TAFA2: variants seen among roughly 807,000 people sequenced by gnomAD.
TAFA2 encodes TAFA chemokine like family member 2, also known as chemokine-like protein TAFA-2.
A neutral mutation model predicts 18.8 loss-of-function variants in TAFA2; 7 were observed. The observed-to-expected ratio is 0.37, with a 90% CI of 0.21 to 0.70. The LOEUF (loss-of-function observed/expected upper bound fraction) is 0.70, where lower values mean the gene tolerates loss of function less well. TAFA2 is among the 30% of genes least tolerant of loss of function. The pLI, the probability that TAFA2 is intolerant of heterozygous loss-of-function variation, is 0.53. For synonymous variants in TAFA2, 60 were observed against 54.2 expected, an observed-to-expected ratio of 1.11 and a Z score of -0.47; for missense variants, 122 against 158.1, an observed-to-expected ratio of 0.77 and a Z score of 1.23.
At chr12:61,875,221 CTT>C (rs1321432694) in intron 1 of TAFA2, among the ~76,000 whole-genome samples, 1 of 152,052 alleles carries the variant, frequency 6.6e-6, no homozygotes, top group Admixed American at 6.6e-5. Flanking sequence ...GCATTTTACT[CTT>C]TTCTCAGTGA....
At position 62,030,788 on chromosome 12, in the gene TAFA2, T is replaced by C. The variant is rs536283791; in HGVS notation, c.-2+160471A>G. On this transcript the variant is annotated intron_variant, in intron 1 of 4. Transcript: ENST00000416284. ...GGGAAACAGAGGTTTGTTGTTGTTG[T>C]TGTTACTGACTTGAGGTTAAGGACA... Among the ~76,000 whole-genome samples the C allele has an allele frequency of 3.9e-5, 6 of 152,280 alleles. No individual in the cohort carries two copies. In the South Asian group the frequency reaches 1.2e-3, roughly 32 times the overall value.
intron 1 of TAFA2, among the ~76,000 whole-genome samples, chr12:62,043,263 C>A (rs1476631176): frequency 6.6e-6 from 1 of 152,128 alleles, no homozygotes; most frequent in Non-Finnish European, 1.5e-5. Context: ...CACATATACA[C>A]CATGGAATAC....
At chr12:61,747,415 C>T (rs1263667945) in intron 4 of TAFA2, among the ~76,000 whole-genome samples, 6 of 146,578 alleles carry the variant, frequency 4.1e-5, no homozygotes, top group Admixed American at 6.8e-5. Flanking sequence ...CACATGCACA[C>T]GTATGTTTAT....
chr12:61,787,933 C>T lies in TAFA2; in HGVS notation c.107-32909G>A, dbSNP rs948869106. ...GGTCAAATGGATAAAAAACAAGACTCAACTGTGTGCTGCTTATAAAAGACT... is the reference window on the plus strand; with the variant it reads ...GGTCAAATGGATAAAAAACAAGACTTAACTGTGTGCTGCTTATAAAAGACT... On this transcript the variant is annotated intron_variant, in intron 2 of 4. Transcript: ENST00000416284. 6.3e-4 allele frequency among the ~76,000 whole-genome samples: 96 copies of T among 151,524 alleles called. 1 individual carries two copies. The highest frequency in any genetic ancestry group is 6.3e-3 in the Admixed American group (95 of 15,142).
chr12:61,768,167 C>CAGT (rs1442279036), intron 2 of TAFA2, among the ~76,000 whole-genome samples: 2 of 152,028 alleles, frequency 1.3e-5, no homozygotes, highest in African/African-American at 4.8e-5. Flanking sequence ...ACCTAGAAAG[C>CAGT]AGTAGAGGGA....
At chr12:61,758,891 G>C (rs1314031410) in intron 2 of TAFA2, among the ~76,000 whole-genome samples, 4 of 152,024 alleles carry the variant, frequency 2.6e-5, no homozygotes, top group Non-Finnish European at 2.9e-5. Flanking sequence ...GCCAGGGAAA[G>C]ATGATTAGGG....
intron 2 of TAFA2, among the ~76,000 whole-genome samples, chr12:61,757,804 G>T (rs551176710): frequency 6.6e-6 from 1 of 152,174 alleles, no homozygotes; most frequent in South Asian, 2.1e-4. Flanking sequence ...AAATGCTGTT[G>T]AAAGGTCCAA....
intron 1 of TAFA2, among the ~76,000 whole-genome samples, chr12:62,216,950 C>T (rs554761263): frequency 6.6e-6 from 1 of 152,132 alleles, no homozygotes; most frequent in South Asian, 2.1e-4. Context: ...TATAAGGGTT[C>T]AGGGAAATGC....
rs1877969346 is a variant in TAFA2 at position 61,940,761 on chromosome 12, A to G, written c.-1-73335T>C. Among the ~76,000 whole-genome samples, 5 of 152,164 alleles carry G rather than the reference A, an allele frequency of 3.3e-5. No homozygotes were observed. The South Asian group carries it at 1.0e-3, about 32-fold the overall frequency. ...TGAGGAAAGGTCTGAAGAGGTGAGC[A>G]AGTAAGTTGTGTAGAATGGAGGAAG... On this transcript the variant is annotated intron_variant, in intron 1 of 4. Transcript: ENST00000416284.
chr12:61,755,258 A>G (rs537897902), intron 2 of TAFA2, among the ~76,000 whole-genome samples: 1 of 152,280 alleles, frequency 6.6e-6, no homozygotes, highest in Non-Finnish European at 1.5e-5. Context: ...TGACTAGATT[A>G]GAATAAGCTG....
At chr12:61,814,984 T>G (rs1201124417) in intron 2 of TAFA2, among the ~76,000 whole-genome samples, 1 of 151,588 alleles carries the variant, frequency 6.6e-6, no homozygotes, top group East Asian at 1.9e-4. Context: ...TTTGAATCTC[T>G]GACCTTCAGA....
chr12:61,970,174 G>A (rs1295346093), intron 1 of TAFA2, among the ~76,000 whole-genome samples: 4 of 148,300 alleles, frequency 2.7e-5, no homozygotes, highest in Non-Finnish European at 4.4e-5. Context: ...CTGACACTAA[G>A]AGCAAAAAAG....
At chr12:61,712,275 AATAG>A (rs1380119040) in intron 4 of TAFA2, among the ~76,000 whole-genome samples, 3 of 152,166 alleles carry the variant, frequency 2.0e-5, no homozygotes. Context: ...TAGTGAGTAT[AATAG>A]ATGCATTCCT....
intron 1 of TAFA2, among the ~76,000 whole-genome samples, chr12:62,173,838 C>T (rs2062494712): frequency 6.6e-6 from 1 of 152,190 alleles, no homozygotes; most frequent in South Asian, 2.1e-4. Context: ...GAAATGAGCT[C>T]TATCTGAGAT....
At chr12:62,208,473 C>G (rs937762056) in intron 1 of TAFA2, among the ~76,000 whole-genome samples, 6 of 102,582 alleles carry the variant, frequency 5.8e-5, no homozygotes, top group African/African-American at 9.4e-5. Flanking sequence ...GACACCACTT[C>G]TAGTTAAAAA....
intron 4 of TAFA2, among the ~76,000 whole-genome samples, chr12:61,742,127 T>G (rs1868482103): frequency 6.6e-6 from 1 of 152,132 alleles, no homozygotes; most frequent in South Asian, 2.1e-4. Context: ...ACATCTGGCC[T>G]CAAGAGATCC....
At chr12:61,731,670 G>A (rs540482508) in intron 4 of TAFA2, among the ~76,000 whole-genome samples, 19 of 152,010 alleles carry the variant, frequency 1.2e-4, no homozygotes, top group African/African-American at 4.3e-4. Context: ...CTGTGAGATA[G>A]TCCCCATTTA....
At chr12:61,757,293 T>C (rs1869317339) in intron 2 of TAFA2, among the ~76,000 whole-genome samples, 2 of 151,972 alleles carry the variant, frequency 1.3e-5, no homozygotes, top group Non-Finnish European at 2.9e-5. Flanking sequence ...GGGTAGAATG[T>C]GCGTCATGAG....
chr12:61,862,984 T>C (rs1874189722), intron 2 of TAFA2, among the ~76,000 whole-genome samples: 1 of 152,224 alleles, frequency 6.6e-6, no homozygotes, highest in Non-Finnish European at 1.5e-5. Context: ...CTCTTTTCTG[T>C]ACCTGCTATA....
Sources: gnomAD v4.1 joint callset for allele counts (sites outside exome capture counted in the v4.1 genomes callset) on GRCh38, gnomAD v4.1.1 for gene constraint, MANE v1.5 for transcripts, NCBI Gene and HGNC (gene_info 2026-07-23, HGNC 2026-07-21) for gene names.